TG: variants seen among roughly 807,000 people sequenced by gnomAD.
TG encodes thyroglobulin, also known as thyroid hormones.
Under a neutral mutation model 324.7 loss-of-function variants are expected in TG, and 270 were observed. That is an observed-to-expected ratio of 0.83 (90% CI 0.75 to 0.92). The LOEUF is 0.92. Among genes scored for constraint, TG ranks in the 40% least tolerant of loss-of-function variants. TG has a pLI of 0.00. For missense variants in TG, 3,591 were observed against 3,456.4 expected, an observed-to-expected ratio of 1.04 and a Z score of -0.98; for synonymous variants, 1,401 against 1,327.0, an observed-to-expected ratio of 1.06 and a Z score of -1.21.
intron 41 of TG, among the ~76,000 whole-genome samples, chr8:133,051,618 C>G (rs1027346692): frequency 1.3e-5 from 2 of 152,090 alleles, no homozygotes; most frequent in African/African-American, 4.8e-5. Context: ...GAAAGGAATT[C>G]TGGTGAAGTT....
intron 35 of TG, 106 bp downstream of exon 35, chr8:132,983,518 C>CAGAAGTTGA (rs1831161250): frequency 7.1e-6 from 8 of 1,125,676 alleles, no homozygotes; most frequent in Non-Finnish European, 1.1e-5. Flanking sequence ...TTGCATATCA[C>CAGAAGTTGA]TCGCATTAAT....
chr8:132,995,213 G>A (rs1832756056), intron 35 of TG: 4 of 957,172 alleles, frequency 4.2e-6, no homozygotes, highest in Non-Finnish European at 5.0e-6. Context: ...TTTCTTTAAG[G>A]TAGAATTCAC....
rs547522876 is a variant in TG at position 132,867,997 on chromosome 8, T to C, written c.68-118T>C. The C allele has an allele frequency of 6.5e-4, 570 of 876,682 alleles. 3 individuals carry two copies. The African/African-American group carries it at 8.2e-3, about 13-fold the overall frequency. The allele number at this position is 876,682 out of a possible 1,614,324, so 54.3% of individuals were successfully genotyped here. ...TGTGCTTAGCTGCCAAATTTTAAAA[T>C]AGGCTGTCATAGGTAATGATGATGA... On this transcript the variant is annotated intron_variant, in intron 1 of 47. Coordinates refer to ENST00000220616, the MANE Select transcript of TG (RefSeq NM_003235.5).
chr8:133,102,094 T>A (rs139467818), intron 43 of TG, among the ~76,000 whole-genome samples: 2 of 152,222 alleles, frequency 1.3e-5, no homozygotes, highest in Admixed American at 1.3e-4. Flanking sequence ...ATGTTCGTTC[T>A]TTTCCCTTAA....
In TG at chr8:132,961,036, C is replaced by T. The variant is rs374696174; in HGVS notation, c.5430C>T (p.Asp1810=). 3.1e-6 allele frequency: 5 copies of T among 1,613,964 alleles called. No homozygotes were observed. The African/African-American group carries it at 6.7e-5, about 22-fold the overall frequency. The change falls in exon 28 of 48, where the codon GAC becomes GAT. Residue 1810 remains aspartate, a synonymous_variant. Transcript: ENST00000220616. The part of the protein sequence containing the change: ...KSLTPLEGTQ[D]TFTNFQQVYL... ...TGACACCCTTAGAAGGAACTCAAGA[C>T]ACCTTTACCAATTTTCAGCAGGTTT...
chr8:132,913,130 A>C lies in TG; in HGVS notation c.4243A>C (p.Lys1415Gln), dbSNP rs757789897. Residue 1415 changes from lysine to glutamine, a missense_variant, in exon 20 of 48, where the codon AAG becomes CAG. Lys to Gln is a moderately conservative substitution (Grantham distance 53, BLOSUM62 1). Coordinates refer to ENST00000220616, the MANE Select transcript of TG (RefSeq NM_003235.5). Reference sequence around the variant, plus strand: ...CTCATTCCAGCTTCATCTGGACTCCAAGACGTTCCCAGCGGAAACCATCCG... The same window carrying C: ...CTCATTCCAGCTTCATCTGGACTCCCAGACGTTCCCAGCGGAAACCATCCG... Reference protein sequence around the residue: ...SGSFQLHLDSKTFPAETIRFL... With the variant: ...SGSFQLHLDSQTFPAETIRFL... The C allele has an allele frequency of 1.9e-5, 30 of 1,614,182 alleles. No homozygotes were observed. The East Asian group carries it at 6.5e-4, about 35-fold the overall frequency.
Position 132,893,685 on chromosome 8 carries a change from C to T in TG, c.2762-5C>T. ...AGTCCATCTGTGTTATTTTTATTCCCCTAGGTCCTGGCTCCTGTGAGGAAG... is the reference window on the plus strand; with the variant it reads ...AGTCCATCTGTGTTATTTTTATTCCTCTAGGTCCTGGCTCCTGTGAGGAAG... On this transcript the variant is annotated splice_polypyrimidine_tract_variant and splice_region_variant and intron_variant, in intron 10 of 47. Transcript: ENST00000220616. 6.2e-7 allele frequency: 1 copy of T among 1,613,474 alleles called. No individual in the cohort carries two copies. The highest frequency in any genetic ancestry group is 8.5e-7 in the Non-Finnish European group (1 of 1,179,794).
At chr8:133,009,436 G>C (rs1834303302) in intron 35 of TG, among the ~76,000 whole-genome samples, 1 of 152,130 alleles carries the variant, frequency 6.6e-6, no homozygotes, top group Admixed American at 6.5e-5. Context: ...CCAGGACAGA[G>C]TATGGAGGTT....
chr8:132,910,742 G>A (rs1271451025), intron 18 of TG, among the ~76,000 whole-genome samples: 4 of 152,168 alleles, frequency 2.6e-5, no homozygotes, highest in Non-Finnish European at 5.9e-5. Flanking sequence ...TTGTTTATAA[G>A]ACACACAGTC....
intron 41 of TG, among the ~76,000 whole-genome samples, chr8:133,066,451 G>A (rs962654475): frequency 2.0e-5 from 3 of 152,066 alleles, no homozygotes; most frequent in Admixed American, 6.6e-5. Context: ...ATGCATACAC[G>A]TGGAAAAATA....
chr8:133,113,638 T>C, intron 44 of TG, 35 bp downstream of exon 44: 1 of 1,606,792 alleles, frequency 6.2e-7, no homozygotes, highest in East Asian at 2.2e-5. Context: ...AGATTCCTAC[T>C]GCTATGTTTT....
chr8:133,029,881 T>C lies in TG; in HGVS notation c.7097T>C (p.Val2366Ala), dbSNP rs767275205. 1.2e-6 allele frequency: 2 copies of C among 1,614,196 alleles called. No individual in the cohort carries two copies. The highest frequency in any genetic ancestry group is 8.5e-7 in the Non-Finnish European group (1 of 1,180,032). Reference sequence around the variant, plus strand: ...GACCAGGTGGCGGCTCTGACCTGGGTGCAGACCCACATCCGAGGATTTGGC... The same window carrying C: ...GACCAGGTGGCGGCTCTGACCTGGGCGCAGACCCACATCCGAGGATTTGGC... ...LLDQVAALTWVQTHIRGFGGD... is the reference protein window; with the variant it reads ...LLDQVAALTWAQTHIRGFGGD... The change falls in exon 41 of 48, where the codon GTG (valine) becomes GCG (alanine). Residue 2366 changes from valine to alanine, a missense_variant. Coordinates refer to ENST00000220616, the MANE Select transcript of TG (RefSeq NM_003235.5).
intron 35 of TG, among the ~76,000 whole-genome samples, chr8:132,984,319 T>C (rs1831260947): frequency 1.3e-5 from 2 of 152,234 alleles, no homozygotes; most frequent in African/African-American, 4.8e-5. Context: ...TGTCTTTTAC[T>C]CATATATGTT....
Position 133,017,984 on chromosome 8 carries a change from G to A in TG, c.6769G>A (p.Ala2257Thr), listed in dbSNP as rs199683856. The change falls in exon 38 of 48, where the codon GCC becomes ACC. Residue 2257 changes from alanine to threonine, a missense_variant. Physicochemically the swap from Ala to Thr is moderately conservative, Grantham distance 58 (BLOSUM62 0). Transcript: ENST00000220616. ...EPLNWTGSWDASKPRASCWQP... is the reference protein window; with the variant it reads ...EPLNWTGSWDTSKPRASCWQP... ...CTTGAACTGGACAGGCTCCTGGGAT[G>A]CCAGCAAGCCAAGGTATGGGTTGAG... 81 of 1,614,016 alleles carry A rather than the reference G, an allele frequency of 5.0e-5. No homozygotes were observed. Among genetic ancestry groups the A allele is most frequent in the Non-Finnish European group, 6.6e-5 (78 of 1,180,032 alleles).
At chr8:133,033,712 G>A (rs1353837133) in intron 41 of TG, among the ~76,000 whole-genome samples, 1 of 152,218 alleles carries the variant, frequency 6.6e-6, no homozygotes, top group Admixed American at 6.5e-5. Context: ...CACCTGGAAA[G>A]TTCCTGCTGT....
intron 26 of TG, among the ~76,000 whole-genome samples, chr8:132,945,535 A>T (rs1293936911): frequency 6.6e-6 from 1 of 152,160 alleles, no homozygotes; most frequent in African/African-American, 2.4e-5. Context: ...TTAGATGCAA[A>T]GATCGAGAGC....
Position 133,132,377 on chromosome 8 carries a change from A to G in TG, c.7997+431A>G, listed in dbSNP as rs530892404. On this transcript the variant is annotated intron_variant, in intron 46 of 47. Coordinates refer to ENST00000220616, the MANE Select transcript of TG (RefSeq NM_003235.5). ...CCCTGGAGGGAAAACCACTTGGAGGAGAGCCACTGTCTCTCCACAGAGGGG... is the reference window on the plus strand; with the variant it reads ...CCCTGGAGGGAAAACCACTTGGAGGGGAGCCACTGTCTCTCCACAGAGGGG... Among the ~76,000 whole-genome samples the G allele has an allele frequency of 7.9e-5, 12 of 152,338 alleles. No individual in the cohort carries two copies. In the East Asian group the frequency reaches 2.3e-3, roughly 29 times the overall value.
chr8:133,015,360 T>G (rs1031712499), intron 37 of TG, among the ~76,000 whole-genome samples: 1 of 152,246 alleles, frequency 6.6e-6, no homozygotes, highest in Non-Finnish European at 1.5e-5. Context: ...ACACAGACGT[T>G]ATTTGTTTAC....
chr8:133,058,070 A>G (rs1203186820), intron 41 of TG, among the ~76,000 whole-genome samples: 18 of 152,244 alleles, frequency 1.2e-4, no homozygotes, highest in Admixed American at 1.1e-3. Flanking sequence ...ATGAGCAGCC[A>G]TAGGAGCTTG....
Sources: gnomAD v4.1 joint callset for allele counts (sites outside exome capture counted in the v4.1 genomes callset) on GRCh38, gnomAD v4.1.1 for gene constraint, MANE v1.5 for transcripts, NCBI Gene and HGNC (gene_info 2026-07-23, HGNC 2026-07-21) for gene names.